Variants in CAPN1 observed in about 807,000 individuals in gnomAD.
CAPN1 encodes the protein calpain-1 catalytic subunit.
A neutral mutation model predicts 105.2 loss-of-function variants in CAPN1; 77 were observed. The observed-to-expected ratio is 0.73, with a 90% CI of 0.61 to 0.88. The LOEUF (loss-of-function observed/expected upper bound fraction) is 0.88, where lower values mean the gene tolerates loss of function less well. Ranked by LOEUF, CAPN1 falls within the 40% of genes least tolerant of loss-of-function variation. The probability of loss-of-function intolerance (pLI) is 0.00; values close to 1 mark genes in which losing one functional copy is unlikely to be tolerated. For synonymous variants in CAPN1, 355 were observed against 388.8 expected (o/e 0.91, Z 1.02); for missense variants, 833 against 976.6 (o/e 0.85, Z 1.96).
intron 10 of CAPN1, among the ~76,000 whole-genome samples, chr11:65,200,274 C>T (rs1948848560): frequency 6.6e-6 from 1 of 152,060 alleles, no homozygotes; most frequent in African/African-American, 2.4e-5. Flanking sequence ...CTCCAGGACT[C>T]ATGCGATCTG....
chr11:65,205,379 C>T (rs1565417287), intron 11 of CAPN1, among the ~76,000 whole-genome samples: 1 of 152,212 alleles, frequency 6.6e-6, no homozygotes, highest in Non-Finnish European at 1.5e-5. Context: ...TGGCCCACAC[C>T]CAAACCCCCT....
intron 10 of CAPN1, among the ~76,000 whole-genome samples, chr11:65,201,579 G>A (rs34007842): frequency 0.26 from 38,812 of 150,990 alleles, 5,427 homozygotes; most frequent in Admixed American, 0.35. Context: ...GTGCAGTGGC[G>A]CGATCTCGGC....
chr11:65,193,836 C>A (rs2137344921), intron 10 of CAPN1, among the ~76,000 whole-genome samples: 1 of 151,816 alleles, frequency 6.6e-6, no homozygotes, highest in East Asian at 1.9e-4. Flanking sequence ...CTCAGGTGAT[C>A]CTCTCACTTC....
intron 7 of CAPN1, 55 bp from the exon 8 acceptor site, chr11:65,187,900 A>C: frequency 1.7e-6 from 2 of 1,206,322 alleles, no homozygotes; most frequent in Admixed American, 4.4e-5. Context: ...TCAAAAAAGA[A>C]AAAAAAAAAA....
intron 10 of CAPN1, among the ~76,000 whole-genome samples, chr11:65,195,442 A>G (rs1032554993): frequency 1.3e-5 from 2 of 152,172 alleles, no homozygotes; most frequent in African/African-American, 4.8e-5. Flanking sequence ...CTGAATTTTT[A>G]AAATCATGAA....
Position 65,211,365 on chromosome 11 carries a change from GC to G in CAPN1, c.*81del. The G allele has an allele frequency of 7.0e-7, 1 of 1,419,476 alleles. No individual in the cohort carries two copies. Among genetic ancestry groups the G allele is most frequent in the Non-Finnish European group, 9.8e-7 (1 of 1,018,880 alleles). 87.9% of individuals were successfully genotyped at this position (1,419,476 alleles called of 1,614,324 possible). ...CTCGCCTCCTACCACACCACACCAG[GC>G]CACCCCAGCTGCAAGTGCCTTCCTT... On this transcript the variant is annotated 3_prime_UTR_variant, in exon 22 of 22. Transcript: ENST00000279247.
chr11:65,209,204 A>G lies in CAPN1; in HGVS notation c.1730-119A>G. The stretch of plus-strand genomic sequence containing the variant: ...CAATCCTGCCCACTTCCTCTGCCAG[A>G]TATTGCACCCACTCGTCAGGATTTG... On this transcript the variant is annotated intron_variant, in intron 16 of 21. Coordinates refer to ENST00000279247, the MANE Select transcript of CAPN1 (RefSeq NM_005186.4). This position sits in a 1 kb window ranked among gnomAD's most constrained non-coding sequence, Gnocchi z 4.1. 1 of 730,724 alleles carries G rather than the reference A, an allele frequency of 1.4e-6. No homozygotes were observed. The highest frequency in any genetic ancestry group is 2.5e-6 in the Non-Finnish European group (1 of 405,080). 45.3% of individuals were successfully genotyped at this position (730,724 alleles called of 1,614,324 possible). A position where few individuals can be genotyped will look rare whatever the true frequency, so the allele number is the denominator to read the frequency against.
At position 65,206,827 on chromosome 11, in the gene CAPN1, G is replaced by A; in HGVS notation, c.1605+8G>A. 6.2e-7 allele frequency: 1 copy of A among 1,610,488 alleles called. No individual in the cohort carries two copies. Among genetic ancestry groups the A allele is most frequent in the Non-Finnish European group, 8.5e-7 (1 of 1,178,522 alleles). ...GCCAATCTCCCCGATGAGGTGCGTG[G>A]TCCCACCCCACCAGGCCCCGTCCTC... On this transcript the variant is annotated splice_region_variant and intron_variant, in intron 14 of 21. Coordinates refer to ENST00000279247, the MANE Select transcript of CAPN1 (RefSeq NM_005186.4).
chr11:65,187,876 A>G, intron 7 of CAPN1, 79 bp from the exon 8 acceptor site: 3 of 1,015,374 alleles, frequency 3.0e-6, no homozygotes, highest in Non-Finnish European at 4.5e-6. Context: ...TGGGTGACAG[A>G]GCAAGACTCT....
In CAPN1 at chr11:65,186,330, T is replaced by C. The variant is rs1422465486; in HGVS notation, c.751T>C (p.Ser251Pro). 4 of 1,610,976 alleles carry C rather than the reference T, an allele frequency of 2.5e-6. No individual in the cohort carries two copies. Among genetic ancestry groups the C allele is most frequent in the Non-Finnish European group, 2.5e-6 (3 of 1,178,306 alleles). The change falls in exon 6 of 22, where the codon TCC becomes CCC. Residue 251 changes from serine to proline, a missense_variant. By Grantham distance (74) the Ser-to-Pro change is moderately conservative (BLOSUM62 -1). Coordinates refer to ENST00000279247, the MANE Select transcript of CAPN1 (RefSeq NM_005186.4). ...ALERGSLLGC[S>P]IDISSVLDME... The stretch of plus-strand genomic sequence containing the variant: ...GGAGCGGGGCTCCCTGCTGGGCTGC[T>C]CCATAGACGTGAGTGTGCCCGGCCC...
intron 10 of CAPN1, among the ~76,000 whole-genome samples, chr11:65,204,210 C>T (rs1438684819): frequency 1.3e-5 from 2 of 152,214 alleles, no homozygotes; most frequent in East Asian, 3.8e-4. Flanking sequence ...CTTCAGTCCA[C>T]ACGCCCTAGT....
chr11:65,201,720 G>A (rs556471630), intron 10 of CAPN1, among the ~76,000 whole-genome samples: 7 of 151,062 alleles, frequency 4.6e-5, no homozygotes, highest in Non-Finnish European at 7.4e-5. Context: ...GGGTTTCACC[G>A]TGTTAGCCAG....
chr11:65,206,144 AG>A, intron 12 of CAPN1: 1 of 531,070 alleles, frequency 1.9e-6, no homozygotes, highest in East Asian at 3.2e-5. Flanking sequence ...ACAGCAAATG[AG>A]GTGCCGAGTA....
In CAPN1 at chr11:65,181,985, G is replaced by A. The variant is rs976336933; in HGVS notation, c.-30G>A. The A allele has an allele frequency of 9.9e-5, 16 of 160,942 alleles. No homozygotes were observed. Among genetic ancestry groups the A allele is most frequent in the Non-Finnish European group, 1.6e-4 (12 of 73,268 alleles). 10.0% of individuals were successfully genotyped at this position (160,942 alleles called of 1,614,324 possible). The stretch of plus-strand genomic sequence containing the variant: ...CACCGGGAAGCCAGCCTCAGGGACT[G>A]CAGCGACCCCCAAACACCCCTCCCC... On this transcript the variant is annotated 5_prime_UTR_variant, in exon 1 of 22. Coordinates refer to ENST00000279247, the MANE Select transcript of CAPN1 (RefSeq NM_005186.4). The surrounding 1 kb of genome is among the most constrained non-coding windows in gnomAD (Gnocchi z 4.6).
rs562294874 is a variant in CAPN1 at position 65,183,211 on chromosome 11, G to GC, written c.337+15dup. 7.8e-5 allele frequency: 126 copies of GC among 1,613,198 alleles called. 1 individual carries two copies. The highest frequency in any genetic ancestry group is 7.4e-4 in the East Asian group (33 of 44,872). On this transcript the variant is annotated intron_variant, in intron 3 of 21. Coordinates refer to ENST00000279247, the MANE Select transcript of CAPN1 (RefSeq NM_005186.4). ...AGGGAGCACTGGGTAGGCCCCCAGG[G>GC]CGTCGGGTCCCGGGTATTTTTTCCA...
intron 12 of CAPN1, 157 bp from the exon 13 acceptor site, chr11:65,206,306 A>C: frequency 3.2e-6 from 2 of 624,624 alleles, no homozygotes; most frequent in South Asian, 3.8e-5. Context: ...ACTGAGGCAA[A>C]ATGTCTTGTT....
chr11:65,186,172 T>G lies in CAPN1; in HGVS notation c.593T>G (p.Val198Gly). ...SALLEKAYAK[V>G]NGSYEALSGG... ...TGCTGACCTGGAGCTGCCCACAGGGTAAATGGCAGCTACGAGGCCCTGTCA... is the reference window on the plus strand; with the variant it reads ...TGCTGACCTGGAGCTGCCCACAGGGGAAATGGCAGCTACGAGGCCCTGTCA... Residue 198 changes from valine to glycine, a missense_variant and splice_region_variant, in exon 6 of 22, where the codon GTA becomes GGA. Transcript: ENST00000279247. 1 of 1,612,482 alleles carries G rather than the reference T, an allele frequency of 6.2e-7. No homozygotes were observed. The highest frequency in any genetic ancestry group is 8.5e-7 in the Non-Finnish European group (1 of 1,179,194).
Position 65,197,468 on chromosome 11 carries a change from G to A in CAPN1, c.1166-7215G>A, listed in dbSNP as rs190402117. ...GCCAATGTTTCTATAGCTAATTCAG[G>A]GTTTTTTTTTGTTGAATTTTTAAAA... On this transcript the variant is annotated intron_variant, in intron 10 of 21. Coordinates refer to ENST00000279247, the MANE Select transcript of CAPN1 (RefSeq NM_005186.4). Among the ~76,000 whole-genome samples the A allele has an allele frequency of 2.2e-3, 330 of 151,724 alleles. 1 individual carries two copies. The highest frequency in any genetic ancestry group is 7.1e-3 in the African/African-American group (294 of 41,382).
chr11:65,202,532 T>G (rs998466511), intron 10 of CAPN1, among the ~76,000 whole-genome samples: 1 of 152,042 alleles, frequency 6.6e-6, no homozygotes, highest in African/African-American at 2.4e-5. Context: ...AACCTCTGTC[T>G]CCTGGGTTCA....
Sources: allele counts gnomAD v4.1 joint callset (sites outside exome capture counted in the v4.1 genomes callset), GRCh38; gene constraint gnomAD v4.1.1; non-coding constraint Gnocchi (gnomAD v3.1); transcripts MANE v1.5; gene names NCBI Gene and HGNC (gene_info 2026-07-23, HGNC 2026-07-21).